ACLY: variants seen among roughly 807,000 people sequenced by gnomAD.
The protein encoded by ACLY is ATP citrate lyase.
In ACLY, 41 loss-of-function variants were observed where a neutral mutation model predicts 133.0. The ratio of observed to expected loss-of-function variants is 0.31; its 90% CI spans 0.24 to 0.40. The LOEUF (loss-of-function observed/expected upper bound fraction) is 0.40. Among genes scored for constraint, ACLY ranks in the 10% least tolerant of loss-of-function variants. ACLY has a pLI of 1.00. For missense variants in ACLY, 1,046 were observed against 1,453.8 expected (o/e 0.72, Z 4.56); for synonymous variants, 495 against 549.3 (o/e 0.90, Z 1.38).
Position 41,901,747 on chromosome 17 carries a change from G to C in ACLY, c.1132C>G (p.Arg378Gly), listed in dbSNP as rs782515984. 6.2e-7 allele frequency: 1 copy of C among 1,608,618 alleles called. No individual in the cohort carries two copies. Among genetic ancestry groups the C allele is most frequent in the Non-Finnish European group, 8.5e-7 (1 of 1,176,906 alleles). Residue 378 changes from arginine to glycine, a missense_variant, in exon 11 of 29, where the codon CGA becomes GGA. Transcript: ENST00000352035. Reference protein sequence around the residue: ...LKEHEVTIFVRRGGPNYQEGL... With the variant: ...LKEHEVTIFVGRGGPNYQEGL... ...TCCTGATAGTTGGGGCCACCTCTTCGGACAAAGATTGTGACTTCGTGCTCC... is the reference window on the plus strand; with the variant it reads ...TCCTGATAGTTGGGGCCACCTCTTCCGACAAAGATTGTGACTTCGTGCTCC...
chr17:41,909,138 G>A (rs1047534605), intron 5 of ACLY, 70 bp from the exon 6 acceptor site: 15 of 1,223,220 alleles, frequency 1.2e-5, no homozygotes, highest in Admixed American at 9.6e-5. Flanking sequence ...CAGGCGCCCC[G>A]CAGCAATCTC....
intron 26 of ACLY, 22 bp downstream of exon 26, chr17:41,869,452 T>C: frequency 1.3e-6 from 2 of 1,587,624 alleles, no homozygotes; most frequent in Non-Finnish European, 1.7e-6. Flanking sequence ...GTGAGGGAAT[T>C]AGGAAGTTTT....
chr17:41,879,992 G>A (rs943860673), intron 20 of ACLY, among the ~76,000 whole-genome samples: 1 of 152,062 alleles, frequency 6.6e-6, no homozygotes, highest in Non-Finnish European at 1.5e-5. Flanking sequence ...AGCCTCCCAA[G>A]CTGCTGGGAT....
intron 28 of ACLY, 52 bp downstream of exon 28, chr17:41,868,657 T>C (rs1445937032): frequency 1.1e-5 from 16 of 1,459,430 alleles, no homozygotes; most frequent in African/African-American, 2.8e-5. Flanking sequence ...GTGGTGTAGC[T>C]GAACCGTGGG....
intron 13 of ACLY, among the ~76,000 whole-genome samples, chr17:41,897,405 CAGG>C (rs1191988568): frequency 4.6e-5 from 7 of 152,050 alleles, no homozygotes; most frequent in Non-Finnish European, 8.8e-5. Flanking sequence ...GCCCTCCACT[CAGG>C]AGAAGAGTCT....
chr17:41,912,071 G>A (rs967746001), intron 3 of ACLY, among the ~76,000 whole-genome samples: 3 of 148,668 alleles, frequency 2.0e-5, no homozygotes, highest in African/African-American at 7.5e-5. Context: ...CCAAGATCAC[G>A]CCACTGCACT....
rs540650965 is a variant in ACLY, at chr17:41,884,962, C to T, written c.2073-688G>A. On this transcript the variant is annotated intron_variant, in intron 18 of 28. Coordinates refer to ENST00000352035, the MANE Select transcript of ACLY (RefSeq NM_001096.3). ...TTGGTGCACTGCAACCTCCGCCTCCCGGGTTCAAGCAATCCTCCTGCCTCA... is the reference window on the plus strand; with the variant it reads ...TTGGTGCACTGCAACCTCCGCCTCCTGGGTTCAAGCAATCCTCCTGCCTCA... Among the ~76,000 whole-genome samples the T allele has an allele frequency of 2.6e-5, 4 of 152,232 alleles. 1 individual carries two copies. Among genetic ancestry groups the T allele is most frequent in the African/African-American group, 7.2e-5 (3 of 41,538 alleles).
At position 41,884,268 on chromosome 17, in the gene ACLY, C is replaced by T. The variant is rs140674334; in HGVS notation, c.2079G>A (p.Pro693=). The T allele has an allele frequency of 2.5e-5, 40 of 1,608,518 alleles. No homozygotes were observed. Among genetic ancestry groups the T allele is most frequent in the Middle Eastern group, 3.3e-4 (2 of 6,046 alleles). Residue 693 remains proline, a synonymous_variant, in exon 19 of 29, where the codon CCG becomes CCA. Coordinates refer to ENST00000352035, the MANE Select transcript of ACLY (RefSeq NM_001096.3). ...EGVAIGGDRY[P]GSTFMDHVLR... ...ACACATGATCCATGAATGTGGAGCC[C>T]GGGTACCTGTTGAGAGCAGGGAGTA...
intron 22 of ACLY, among the ~76,000 whole-genome samples, chr17:41,875,732 G>A (rs1476820828): frequency 2.0e-5 from 3 of 152,166 alleles, no homozygotes; most frequent in South Asian, 2.1e-4. Context: ...ACGGAGTCTC[G>A]TTCACTCAGT....
rs1219549729 is a variant in ACLY at position 41,913,752 on chromosome 17, G to A, written c.122C>T (p.Ala41Val). 2 of 1,614,100 alleles carry A rather than the reference G, an allele frequency of 1.2e-6. No individual in the cohort carries two copies. The highest frequency in any genetic ancestry group is 1.7e-6 in the Non-Finnish European group (2 of 1,180,046). ...CCAGGGGTGGTCCTGCAGCAAGCGG[G>A]CCCAGTCTGTGTCAGGAGTGACCCG... is the stretch of plus-strand genomic sequence containing the variant. ...YARVTPDTDW[A>V]RLLQDHPWLL... Residue 41 changes from alanine to valine, a missense_variant, in exon 2 of 29, where the codon GCC becomes GTC. Coordinates refer to ENST00000352035, the MANE Select transcript of ACLY (RefSeq NM_001096.3).
chr17:41,867,706 G>GGCCCCTGCTAAATAAAGCAGGC lies in ACLY; in HGVS notation c.*82_*103dup. On this transcript the variant is annotated 3_prime_UTR_variant, in exon 29 of 29. Coordinates refer to ENST00000352035, the MANE Select transcript of ACLY (RefSeq NM_001096.3). Reference sequence around the variant, plus strand: ...TACCCCAGTGGCTGTTTACATTCCAGGCCCCTGCTAAATAAAGCAGGCTCC... The same window carrying GGCCCCTGCTAAATAAAGCAGGC: ...TACCCCAGTGGCTGTTTACATTCCAGGCCCCTGCTAAATAAAGCAGGCGCCCCTGCTAAATAAAGCAGGCTCC... The GGCCCCTGCTAAATAAAGCAGGC allele has an allele frequency of 1.2e-6, 1 of 866,406 alleles. No individual in the cohort carries two copies. Among genetic ancestry groups the GGCCCCTGCTAAATAAAGCAGGC allele is most frequent in the Non-Finnish European group, 1.8e-6 (1 of 568,416 alleles). The allele number at this position is 866,406 out of a possible 1,614,324, so 53.7% of individuals were successfully genotyped here. A position where few individuals can be genotyped will look rare whatever the true frequency, so the allele number is the denominator to read the frequency against.
intron 21 of ACLY, among the ~76,000 whole-genome samples, chr17:41,878,416 G>A (rs1247269677): frequency 6.6e-6 from 1 of 152,128 alleles, no homozygotes; most frequent in African/African-American, 2.4e-5. Context: ...GGCAAGGAAG[G>A]ACACAGCCGG....
At chr17:41,917,168 C>T (rs1378773406) in intron 1 of ACLY, among the ~76,000 whole-genome samples, 1 of 149,908 alleles carries the variant, frequency 6.7e-6, no homozygotes, top group Non-Finnish European at 1.5e-5. Context: ...AATATTTGCT[C>T]TAGTGGAATC....
chr17:41,897,354 G>A (rs1297797005), intron 13 of ACLY, among the ~76,000 whole-genome samples: 1 of 152,044 alleles, frequency 6.6e-6, no homozygotes, highest in African/African-American at 2.4e-5. Flanking sequence ...GGGAACTGCT[G>A]TTGTATGAGC....
At chr17:41,908,159 C>T (rs531355265) in intron 6 of ACLY, among the ~76,000 whole-genome samples, 1 of 152,314 alleles carries the variant, frequency 6.6e-6, no homozygotes, top group East Asian at 1.9e-4. Context: ...GGGGCTGCAT[C>T]CTCAGCTGGA....
At chr17:41,912,983 T>C (rs551487397) in intron 2 of ACLY, among the ~76,000 whole-genome samples, 7 of 152,298 alleles carry the variant, frequency 4.6e-5, no homozygotes, top group African/African-American at 1.7e-4. Flanking sequence ...GCTTGAACCC[T>C]GTCTACAACA....
At chr17:41,877,810 T>G (rs782671675) in intron 22 of ACLY, among the ~76,000 whole-genome samples, 1 of 152,170 alleles carries the variant, frequency 6.6e-6, no homozygotes, top group Non-Finnish European at 1.5e-5. Context: ...TGCTGGATGC[T>G]TCCTGCCCTC....
intron 11 of ACLY, among the ~76,000 whole-genome samples, chr17:41,901,001 C>T (rs868992806): frequency 1.3e-5 from 2 of 152,000 alleles, no homozygotes; most frequent in African/African-American, 4.8e-5. Flanking sequence ...GTCACCCAGG[C>T]TGGAGTGCAG....
intron 1 of ACLY, 43 bp downstream of exon 1, chr17:41,918,837 G>C: frequency 7.8e-7 from 1 of 1,284,720 alleles, no homozygotes; most frequent in Non-Finnish European, 1.0e-6. Flanking sequence ...AAGCTCCTAG[G>C]GCGAGCGGGC....
Sources: gnomAD v4.1 joint callset for allele counts (sites outside exome capture counted in the v4.1 genomes callset) on GRCh38, gnomAD v4.1.1 for gene constraint, MANE v1.5 for transcripts, NCBI Gene and HGNC (gene_info 2026-07-23, HGNC 2026-07-21) for gene names.